Variants in CNIH3 observed in about 807,000 individuals in gnomAD.
The protein encoded by CNIH3 is protein cornichon homolog 3.
In CNIH3, 14 loss-of-function variants were observed where a neutral mutation model predicts 24.1. The observed-to-expected ratio is 0.58, with a 90% CI of 0.38 to 0.91. The LOEUF (loss-of-function observed/expected upper bound fraction) is 0.91, where lower values mean the gene tolerates loss of function less well. Ranked by LOEUF, CNIH3 falls within the 40% of genes least tolerant of loss-of-function variation. CNIH3 has a pLI of 0.00. For missense variants in CNIH3, 178 were observed against 196.8 expected (o/e 0.90, Z 0.57); for synonymous variants, 68 against 73.8 (o/e 0.92, Z 0.40).
chr1:224,668,503 A>G (rs1405913109), intron 1 of CNIH3, among the ~76,000 whole-genome samples: 1 of 152,192 alleles, frequency 6.6e-6, no homozygotes, highest in Non-Finnish European at 1.5e-5. Context: ...AAGTATTTTT[A>G]GGAATGAGTA....
At chr1:224,534,436 G>GT (rs1051224985) in intron 2 of CNIH3, among the ~76,000 whole-genome samples, 2 of 152,124 alleles carry the variant, frequency 1.3e-5, no homozygotes, top group African/African-American at 4.8e-5. Flanking sequence ...ATTATGGTTT[G>GT]TAATTTGGGA....
At chr1:224,476,760 T>C (rs1392813842) in intron 1 of CNIH3, among the ~76,000 whole-genome samples, 1 of 152,022 alleles carries the variant, frequency 6.6e-6, no homozygotes, top group Non-Finnish European at 1.5e-5. Flanking sequence ...GCAATCTCTA[T>C]CAAAATACCA....
intron 4 of CNIH3, among the ~76,000 whole-genome samples, chr1:224,567,980 C>T (rs991229300): frequency 2.0e-5 from 3 of 152,110 alleles, no homozygotes; most frequent in African/African-American, 7.2e-5. Context: ...CTTAGTTTTA[C>T]TCAAATTTGT....
At chr1:224,680,449 C>T (rs1024556664) in intron 1 of CNIH3, among the ~76,000 whole-genome samples, 1 of 152,228 alleles carries the variant, frequency 6.6e-6, no homozygotes, top group Non-Finnish European at 1.5e-5. Flanking sequence ...CAGGAGCTGA[C>T]CGTCCAGGCT....
At chr1:224,514,127 A>G (rs1213621471), upstream of CNIH3, among the ~76,000 whole-genome samples, 1 of 152,198 alleles carries the variant, frequency 6.6e-6, no homozygotes, top group Non-Finnish European at 1.5e-5. Context: ...TGTCATCACA[A>G]AAAGCCACTT....
At chr1:224,443,403 G>T (rs752641617) in intron 1 of CNIH3, among the ~76,000 whole-genome samples, 1 of 152,132 alleles carries the variant, frequency 6.6e-6, no homozygotes, top group Non-Finnish European at 1.5e-5. Context: ...ATTTATACAG[G>T]AATTCATACT....
At chr1:224,605,774 C>T (rs569642392) in intron 3 of CNIH3, among the ~76,000 whole-genome samples, 73 of 152,236 alleles carry the variant, frequency 4.8e-4, no homozygotes, top group African/African-American at 1.7e-3. Context: ...ATGATCGCCT[C>T]CCCTACTAAT....
rs116898074 is a variant in CNIH3 at position 224,545,881 on chromosome 1, T to C, written n.340-948T>C. Among the ~76,000 whole-genome samples, 146 of 152,266 alleles carry C rather than the reference T, an allele frequency of 9.6e-4. 1 individual carries two copies. In the East Asian group the frequency reaches 0.024, roughly 25 times the overall value. ...GTGGCTTCACTATAGAAACGGATTT[T>C]CTCCTGTTCTGGAGGCTGGGAAGTC... On this transcript the variant is annotated intron_variant and non_coding_transcript_variant, in intron 2 of 5. Transcript: ENST00000471578.
At chr1:224,463,607 A>G (rs1313120508) in intron 1 of CNIH3, among the ~76,000 whole-genome samples, 1 of 150,710 alleles carries the variant, frequency 6.6e-6, no homozygotes, top group Non-Finnish European at 1.5e-5. Context: ...AGGTTTCTCC[A>G]TGTTGGTTAG....
intron 3 of CNIH3, among the ~76,000 whole-genome samples, chr1:224,607,391 AAAG>A (rs1421036499): frequency 3.9e-5 from 6 of 152,178 alleles, no homozygotes; most frequent in African/African-American, 7.2e-5. Flanking sequence ...GCAGCAGGGG[AAAG>A]AAGAAGAAGA....
downstream of CNIH3, among the ~76,000 whole-genome samples, chr1:224,592,904 G>T (rs1681820180): frequency 6.6e-6 from 1 of 152,164 alleles, no homozygotes. Context: ...TAAATGGGGA[G>T]TTTCTAACAA....
At chr1:224,559,840 G>A (rs995767324) in intron 3 of CNIH3, among the ~76,000 whole-genome samples, 1 of 151,944 alleles carries the variant, frequency 6.6e-6, no homozygotes, top group Admixed American at 6.6e-5. Flanking sequence ...CCCCTCCCCA[G>A]TTATACTCTT....
downstream of CNIH3, among the ~76,000 whole-genome samples, chr1:224,539,550 T>C (rs1679431229): frequency 6.6e-6 from 1 of 152,206 alleles, no homozygotes; most frequent in South Asian, 2.1e-4. Context: ...CTCTCCAAGA[T>C]ACGTGGTTCA....
chr1:224,674,292 T>G (rs1455125283), intron 1 of CNIH3, among the ~76,000 whole-genome samples: 1 of 104,774 alleles, frequency 9.5e-6, no homozygotes, highest in African/African-American at 3.6e-5. Context: ...TTTTTTTTTT[T>G]TTTTTTTTTT....
intron 1 of CNIH3, among the ~76,000 whole-genome samples, chr1:224,675,298 C>G (rs1298604328): frequency 6.6e-6 from 1 of 152,132 alleles, no homozygotes; most frequent in Non-Finnish European, 1.5e-5. Context: ...TGGAATAGTC[C>G]TAAATCTATT....
At chr1:224,589,791 G>A (rs1681672447), downstream of CNIH3, among the ~76,000 whole-genome samples, 1 of 152,170 alleles carries the variant, frequency 6.6e-6, no homozygotes, top group African/African-American at 2.4e-5. Context: ...GCAGGCAGGG[G>A]GTTTTCCAGC....
At chr1:224,531,529 A>G (rs1005570080) in intron 2 of CNIH3, among the ~76,000 whole-genome samples, 7 of 152,248 alleles carry the variant, frequency 4.6e-5, no homozygotes, top group African/African-American at 1.7e-4. Flanking sequence ...TGAAGAGTTG[A>G]AAGGCCAAGA....
intron 2 of CNIH3, among the ~76,000 whole-genome samples, chr1:224,545,911 A>G (rs530343548): frequency 1.3e-5 from 2 of 152,148 alleles, no homozygotes; most frequent in African/African-American, 2.4e-5. Context: ...GAAGTCCAAC[A>G]TCAAGGTGTT....
At chr1:224,605,729 G>T (rs942170435) in intron 3 of CNIH3, among the ~76,000 whole-genome samples, 4 of 151,668 alleles carry the variant, frequency 2.6e-5, no homozygotes, top group Non-Finnish European at 5.9e-5. Flanking sequence ...ACCCAGAAGG[G>T]GACTCAGTGC....
Sources: allele counts gnomAD v4.1 joint callset (sites outside exome capture counted in the v4.1 genomes callset), GRCh38; gene constraint gnomAD v4.1.1; transcripts MANE v1.5; gene names NCBI Gene and HGNC (gene_info 2026-07-23, HGNC 2026-07-21).